The following MANBA variants were observed in gnomAD, a reference collection of about 807,000 sequenced individuals.
MANBA encodes the protein mannosidase beta, also known as beta-mannosidase.
Under a neutral mutation model 111.1 loss-of-function variants are expected in MANBA, and 83 were observed. That is an observed-to-expected ratio of 0.75 (90% CI 0.63 to 0.90). The LOEUF (loss-of-function observed/expected upper bound fraction) is 0.90. Among genes scored for constraint, MANBA ranks in the 40% least tolerant of loss-of-function variants. The pLI is 0.00. For synonymous variants in MANBA, 370 were observed against 378.7 expected, an observed-to-expected ratio of 0.98 and a Z score of 0.27; for missense variants, 1,036 against 1,069.0, an observed-to-expected ratio of 0.97 and a Z score of 0.43.
chr4:102,706,814 G>A (rs1169974081), intron 5 of MANBA, among the ~76,000 whole-genome samples: 1 of 152,090 alleles, frequency 6.6e-6, no homozygotes, highest in Non-Finnish European at 1.5e-5. Flanking sequence ...ACAATAATTA[G>A]AGAAAGCAGA....
rs748449530 is a variant in MANBA, at chr4:102,650,641, C to T, written c.1765G>A (p.Glu589Lys). 8 of 1,613,208 alleles carry T rather than the reference C, an allele frequency of 5.0e-6. No individual in the cohort carries two copies. Among genetic ancestry groups the T allele is most frequent in the Non-Finnish European group, 6.8e-6 (8 of 1,179,388 alleles). Residue 589 changes from glutamate (E) to lysine (K), a missense_variant, in exon 13 of 17, where the codon GAA (glutamate) becomes AAA (lysine). Coordinates refer to ENST00000647097, the MANE Select transcript of MANBA (RefSeq NM_005908.4). ...TAAAGCATTTGTTTGTTACCACCTT[C>T]GTGATGTTGTCGATGAAGTGAAAAC... ...SKFSLHRQHH[E>K]GGNKQMLYQA...
chr4:102,716,191 C>A (rs1399823126), intron 4 of MANBA, among the ~76,000 whole-genome samples: 1 of 151,372 alleles, frequency 6.6e-6, no homozygotes, highest in Non-Finnish European at 1.5e-5. Context: ...TGCCTGTAAT[C>A]CCAGCTACTC....
rs1182362740 is a variant in MANBA at position 102,760,746 on chromosome 4, C to A, written c.149G>T (p.Ser50Ile). ...LPGAVPGCVHSALFQQGLIQD... is the reference protein window; with the variant it reads ...LPGAVPGCVHIALFQQGLIQD... ...GATCAGGCCCTGCTGGAACAAGGCG[C>A]TGTGCACGCAGCCAGGGACCGCCCC... The change falls in exon 1 of 17, where the codon AGC becomes ATC. Residue 50 changes from serine (S) to isoleucine (I), a missense_variant. Transcript: ENST00000647097. 6.5e-7 allele frequency: 1 copy of A among 1,547,490 alleles called. No individual in the cohort carries two copies. The highest frequency in any genetic ancestry group is 8.7e-7 in the Non-Finnish European group (1 of 1,145,708).
At chr4:102,708,212 A>G (rs1312808467) in intron 5 of MANBA, among the ~76,000 whole-genome samples, 1 of 152,202 alleles carries the variant, frequency 6.6e-6, no homozygotes, top group Non-Finnish European at 1.5e-5. Context: ...CATTCTTCTC[A>G]TTAGCACATA....
chr4:102,674,629 G>T (rs1030464667), intron 7 of MANBA, among the ~76,000 whole-genome samples: 2 of 152,166 alleles, frequency 1.3e-5, no homozygotes, highest in Non-Finnish European at 1.5e-5. Context: ...TGTACATGGT[G>T]TTCTAATGGA....
At chr4:102,718,879 T>C (rs1722454907) in intron 4 of MANBA, among the ~76,000 whole-genome samples, 1 of 152,028 alleles carries the variant, frequency 6.6e-6, no homozygotes, top group Admixed American at 6.6e-5. Context: ...TTATTAGGGA[T>C]TTTAACAGGG....
At chr4:102,734,633 G>C in intron 1 of MANBA, 2 of 1,556,230 alleles carry the variant, frequency 1.3e-6, no homozygotes, top group Non-Finnish European at 1.8e-6. Context: ...GGCCCGAGGA[G>C]CCAGACAGGC....
intron 7 of MANBA, among the ~76,000 whole-genome samples, chr4:102,687,302 T>A (rs1732261928): frequency 6.6e-6 from 1 of 151,474 alleles, no homozygotes; most frequent in East Asian, 1.9e-4. Flanking sequence ...ACTGGTCCCC[T>A]ACTCTTGCCA....
chr4:102,650,305 A>C (rs1049974419), intron 13 of MANBA, among the ~76,000 whole-genome samples: 2 of 152,254 alleles, frequency 1.3e-5, no homozygotes, highest in Non-Finnish European at 2.9e-5. Context: ...GAATATTTTC[A>C]TACACAATTT....
intron 4 of MANBA, among the ~76,000 whole-genome samples, chr4:102,717,793 C>T (rs571021952): frequency 7.2e-5 from 11 of 152,228 alleles, no homozygotes; most frequent in African/African-American, 2.6e-4. Flanking sequence ...TGGGAAGAGG[C>T]AGGGAGATGA....
intron 1 of MANBA, among the ~76,000 whole-genome samples, chr4:102,744,979 T>C (rs936705804): frequency 1.3e-5 from 2 of 152,190 alleles, no homozygotes. Context: ...ATGGCAATTA[T>C]GCATTCTGGC....
intron 10 of MANBA, chr4:102,665,645 G>A (rs1731184960): frequency 6.6e-6 from 1 of 152,246 alleles, no homozygotes; most frequent in Admixed American, 6.5e-5. Context: ...ATCCACTTGT[G>A]TTATGTTTGC....
At chr4:102,715,359 C>T (rs1722277888) in intron 4 of MANBA, among the ~76,000 whole-genome samples, 1 of 152,190 alleles carries the variant, frequency 6.6e-6, no homozygotes, top group African/African-American at 2.4e-5. Flanking sequence ...GAGACAACTG[C>T]AGCCATGAGA....
At chr4:102,646,753 T>C (rs1049788430) in intron 13 of MANBA, among the ~76,000 whole-genome samples, 1 of 152,082 alleles carries the variant, frequency 6.6e-6, no homozygotes, top group African/African-American at 2.4e-5. Context: ...TATGGGCTAT[T>C]GGGAATACAA....
chr4:102,683,364 C>T (rs929129353), intron 7 of MANBA, among the ~76,000 whole-genome samples: 1 of 152,134 alleles, frequency 6.6e-6, no homozygotes, highest in African/African-American at 2.4e-5. Context: ...CAGGAGCAAA[C>T]GTACACAGCA....
At chr4:102,728,450 G>A in intron 1 of MANBA, 1 of 432,980 alleles carries the variant, frequency 2.3e-6, no homozygotes, top group Non-Finnish European at 4.4e-6. Flanking sequence ...TGAAGAGAGG[G>A]ACTCTTTGTA....
At position 102,760,777 on chromosome 4, in the gene MANBA, G is replaced by A; in HGVS notation, c.118C>T (p.Leu40=). ...SICNGNGSLE[L]PGAVPGCVHS... ...ACGCAGCCAGGGACCGCCCCGGGCA[G>A]CTCCAGCGAGCCGTTCCCATTGCAG... is the stretch of plus-strand genomic sequence containing the variant. The change falls in exon 1 of 17, where the codon CTG becomes TTG. Residue 40 remains leucine (L), a synonymous_variant. Transcript: ENST00000647097. The A allele has an allele frequency of 6.4e-7, 1 of 1,551,650 alleles. No individual in the cohort carries two copies. The highest frequency in any genetic ancestry group is 1.4e-5 in the African/African-American group (1 of 73,310).
chr4:102,731,033 A>G (rs1723015446), intron 1 of MANBA, among the ~76,000 whole-genome samples: 1 of 152,164 alleles, frequency 6.6e-6, no homozygotes, highest in Non-Finnish European at 1.5e-5. Flanking sequence ...CAAACTGTGC[A>G]GTCCAACCCC....
chr4:102,727,223 A>G, intron 1 of MANBA: 2 of 431,846 alleles, frequency 4.6e-6, no homozygotes, highest in Non-Finnish European at 8.7e-6. Flanking sequence ...GGAAGATGCT[A>G]AATGATAGGA....
Sources: allele counts gnomAD v4.1 joint callset (sites outside exome capture counted in the v4.1 genomes callset), GRCh38; gene constraint gnomAD v4.1.1; transcripts MANE v1.5; gene names NCBI Gene and HGNC (gene_info 2026-07-23, HGNC 2026-07-21).